The following ANTXR1 variants were observed in gnomAD, a reference collection of about 807,000 sequenced individuals.
ANTXR1 encodes anthrax toxin receptor 1.
Under a neutral mutation model 78.1 loss-of-function variants are expected in ANTXR1, and 19 were observed. The observed-to-expected ratio is 0.24, with a 90% CI of 0.17 to 0.36. The LOEUF is 0.36. Among genes scored for constraint, ANTXR1 ranks in the 10% least tolerant of loss-of-function variants. ANTXR1 has a pLI of 1.00. For missense variants in ANTXR1, 518 were observed against 718.6 expected (o/e 0.72, Z 3.19); for synonymous variants, 273 against 260.5 (o/e 1.05, Z -0.46).
At chr2:69,131,408 G>A (rs552345232) in intron 12 of ANTXR1, among the ~76,000 whole-genome samples, 9 of 152,276 alleles carry the variant, frequency 5.9e-5, no homozygotes, top group East Asian at 3.9e-4. Context: ...CTTAACATCC[G>A]GGTTATTTTC....
At chr2:69,213,515 C>T (rs916922856) in intron 17 of ANTXR1, among the ~76,000 whole-genome samples, 14 of 152,232 alleles carry the variant, frequency 9.2e-5, no homozygotes. Flanking sequence ...CAAAATGACA[C>T]ATGTTGTCAA....
intron 17 of ANTXR1, among the ~76,000 whole-genome samples, chr2:69,195,584 G>A (rs920802252): frequency 2.6e-5 from 4 of 152,126 alleles, no homozygotes; most frequent in Admixed American, 2.0e-4. Flanking sequence ...GCTTTTGTCT[G>A]TGACAGTCAA....
At chr2:69,222,939 GAT>G (rs1355703208) in intron 17 of ANTXR1, among the ~76,000 whole-genome samples, 1 of 152,228 alleles carries the variant, frequency 6.6e-6, no homozygotes, top group African/African-American at 2.4e-5. Flanking sequence ...TGTGCATTCA[GAT>G]ATGAGGGGAG....
chr2:69,098,152 GCTCA>G (rs1249491392), intron 9 of ANTXR1, among the ~76,000 whole-genome samples: 1 of 152,124 alleles, frequency 6.6e-6, no homozygotes, highest in East Asian at 1.9e-4. Flanking sequence ...TGACAGCTAC[GCTCA>G]CTGTCTTGAC....
At chr2:69,225,670 G>A (rs1414697031) in intron 17 of ANTXR1, among the ~76,000 whole-genome samples, 1 of 152,010 alleles carries the variant, frequency 6.6e-6, no homozygotes, top group Non-Finnish European at 1.5e-5. Flanking sequence ...TGGGATGCAG[G>A]AGAGAGGCGA....
intron 1 of ANTXR1, among the ~76,000 whole-genome samples, chr2:69,035,658 C>T (rs752466041): frequency 3.9e-5 from 6 of 152,142 alleles, no homozygotes; most frequent in Non-Finnish European, 8.8e-5. Flanking sequence ...TTGGTCAAGG[C>T]TTAAATAATT....
At chr2:69,152,330 G>A (rs1392497683) in intron 13 of ANTXR1, 66 bp downstream of exon 13, 1 of 1,499,426 alleles carries the variant, frequency 6.7e-7, no homozygotes, top group African/African-American at 1.4e-5. Flanking sequence ...ACCATGAGTA[G>A]AGAGAAAGGG....
intron 10 of ANTXR1, among the ~76,000 whole-genome samples, chr2:69,105,717 T>C (rs1671786060): frequency 6.6e-6 from 1 of 152,264 alleles, no homozygotes; most frequent in Admixed American, 6.5e-5. Context: ...AAATGTTATC[T>C]GTTTTTATTT....
chr2:69,083,664 G>C (rs924246850), intron 8 of ANTXR1, among the ~76,000 whole-genome samples: 3 of 152,114 alleles, frequency 2.0e-5, no homozygotes, highest in Non-Finnish European at 2.9e-5. Flanking sequence ...GCAACCCAGA[G>C]TACCATAGAG....
chr2:69,038,295 T>C (rs1462343882), intron 1 of ANTXR1, among the ~76,000 whole-genome samples: 1 of 152,208 alleles, frequency 6.6e-6, no homozygotes, highest in Non-Finnish European at 1.5e-5. Context: ...TTATTTTTAA[T>C]AGTTAATAAG....
At chr2:69,141,763 G>A (rs1673075815) in intron 12 of ANTXR1, among the ~76,000 whole-genome samples, 1 of 152,244 alleles carries the variant, frequency 6.6e-6, no homozygotes, top group South Asian at 2.1e-4. Context: ...TGTCATGAAT[G>A]AGTGATACTT....
chr2:69,244,708 T>A (rs557591643), intron 17 of ANTXR1, among the ~76,000 whole-genome samples: 128 of 152,298 alleles, frequency 8.4e-4, no homozygotes, highest in African/African-American at 3.0e-3. Flanking sequence ...ACTGAACTAA[T>A]CAAAATAAAT....
chr2:69,078,203 A>G (rs1256403801), intron 8 of ANTXR1, among the ~76,000 whole-genome samples: 3 of 152,146 alleles, frequency 2.0e-5, no homozygotes, highest in Non-Finnish European at 4.4e-5. Flanking sequence ...CTTGGTCCAA[A>G]TAGAATATTG....
intron 1 of ANTXR1, among the ~76,000 whole-genome samples, chr2:69,017,102 G>A (rs918913072): frequency 1.3e-5 from 2 of 152,168 alleles, no homozygotes; most frequent in South Asian, 4.1e-4. Flanking sequence ...CTAGAACTTG[G>A]TGCGGTAGTG....
At chr2:69,078,442 C>T (rs1043777004) in intron 8 of ANTXR1, among the ~76,000 whole-genome samples, 7 of 152,258 alleles carry the variant, frequency 4.6e-5, no homozygotes, top group South Asian at 2.1e-4. Flanking sequence ...CAGGGGTTAC[C>T]GGCCAAGGGC....
At chr2:69,092,872 G>A (rs551632098) in intron 9 of ANTXR1, among the ~76,000 whole-genome samples, 4 of 152,306 alleles carry the variant, frequency 2.6e-5, no homozygotes, top group African/African-American at 9.6e-5. Flanking sequence ...CTCATGTAGT[G>A]TGTGTGAATT....
At chr2:69,235,651 CAAAAAAAAAAAA>C (rs554310438) in intron 17 of ANTXR1, among the ~76,000 whole-genome samples, 4 of 58,226 alleles carry the variant, frequency 6.9e-5, no homozygotes, top group South Asian at 7.2e-4. Flanking sequence ...AACCCCGTCT[CAAAAAAAAAAAA>C]AAAAAAAAAA....
intron 13 of ANTXR1, among the ~76,000 whole-genome samples, chr2:69,166,053 A>T (rs9677506): frequency 6.6e-6 from 1 of 152,060 alleles, no homozygotes; most frequent in African/African-American, 2.4e-5. Flanking sequence ...GAGAACACGC[A>T]ATCTTTCTAC....
chr2:69,013,583 A>G lies in ANTXR1; in HGVS notation c.84A>G (p.Gln28=), dbSNP rs761382736. The change falls in exon 1 of 18, where the codon CAA becomes CAG. Residue 28 remains glutamine, a synonymous_variant. Transcript: ENST00000303714. This position sits in a 1 kb window ranked among gnomAD's most constrained non-coding sequence, Gnocchi z 5.0. ...LATLVLICAG[Q]GGRREDGGPA... ...CTCTGGTGCTCATCTGCGCCGGGCA[A>G]GGGGGACGCAGGGAGGATGGGGGTC... 8 of 1,566,156 alleles carry G rather than the reference A, an allele frequency of 5.1e-6. No individual in the cohort carries two copies. Among genetic ancestry groups the G allele is most frequent in the Non-Finnish European group, 6.9e-6 (8 of 1,154,646 alleles).
Sources: gnomAD v4.1 joint callset for allele counts (sites outside exome capture counted in the v4.1 genomes callset) on GRCh38, gnomAD v4.1.1 for gene constraint, Gnocchi (gnomAD v3.1) non-coding constraint, MANE v1.5 for transcripts, NCBI Gene and HGNC (gene_info 2026-07-23, HGNC 2026-07-21) for gene names.